The following PPM1E variants were observed in gnomAD, a reference collection of about 807,000 sequenced individuals.
PPM1E encodes protein phosphatase 1E.
PPM1E carries 20 observed loss-of-function variants against 65.9 expected under a neutral mutation model. The observed-to-expected ratio is 0.30, with a 90% CI of 0.21 to 0.44. The LOEUF (loss-of-function observed/expected upper bound fraction) is 0.44. Among genes scored for constraint, PPM1E ranks in the 20% least tolerant of loss-of-function variants. The probability of loss-of-function intolerance (pLI) is 1.00; values close to 1 mark genes in which losing one functional copy is unlikely to be tolerated. For synonymous variants in PPM1E, 352 were observed against 374.9 expected (o/e 0.94, Z 0.70); for missense variants, 713 against 953.1 (o/e 0.75, Z 3.32).
chr17:58,912,852 CA>C (rs2051643280), intron 1 of PPM1E, among the ~76,000 whole-genome samples: 1 of 152,112 alleles, frequency 6.6e-6, no homozygotes, highest in Admixed American at 6.5e-5. Context: ...GTGATTTAAT[CA>C]ATCATGCCTA....
Position 58,983,932 on chromosome 17 carries a change from G to T in PPM1E, c.*2901G>T, listed in dbSNP as rs1410302341. 6.6e-6 allele frequency: 1 copy of T among 152,548 alleles called. No homozygotes were observed. The highest frequency in any genetic ancestry group is 2.4e-5 in the African/African-American group (1 of 41,434). 9.4% of individuals were successfully genotyped at this position (152,548 alleles called of 1,614,324 possible). On this transcript the variant is annotated 3_prime_UTR_variant, in exon 7 of 7. Transcript: ENST00000308249. ...TGTACATTCACTGTGAGTTTCAAAG[G>T]GAGTCAGTCCCTAATTTACAGGTTT...
At chr17:58,930,152 T>A (rs1221014616) in intron 1 of PPM1E, among the ~76,000 whole-genome samples, 1 of 151,800 alleles carries the variant, frequency 6.6e-6, no homozygotes, top group Non-Finnish European at 1.5e-5. Flanking sequence ...TCCTAGCACT[T>A]TGGGAGGCTG....
chr17:58,802,732 A>G (rs1465798313), intron 1 of PPM1E, among the ~76,000 whole-genome samples: 1 of 152,094 alleles, frequency 6.6e-6, no homozygotes, highest in Non-Finnish European at 1.5e-5. Context: ...AGTTTTTCAT[A>G]TTCAGATATT....
At chr17:58,963,129 A>G (rs1477416807) in intron 2 of PPM1E, among the ~76,000 whole-genome samples, 2 of 152,028 alleles carry the variant, frequency 1.3e-5, no homozygotes, top group Admixed American at 1.3e-4. Flanking sequence ...TCATGCCTGT[A>G]ATCCCAGCAC....
Position 58,972,282 on chromosome 17 carries a change from A to G in PPM1E, c.1116+7A>G, listed in dbSNP as rs913127822. The G allele has an allele frequency of 6.2e-7, 1 of 1,613,214 alleles. No individual in the cohort carries two copies. The highest frequency in any genetic ancestry group is 8.5e-7 in the Non-Finnish European group (1 of 1,179,462). On this transcript the variant is annotated splice_region_variant and intron_variant, in intron 5 of 6. Transcript: ENST00000308249. Reference sequence around the variant, plus strand: ...ACACAAACCAGACAGAGAGGTAAGTATGGTCTGTTTTAATAGAGCCCATGC... The same window carrying G: ...ACACAAACCAGACAGAGAGGTAAGTGTGGTCTGTTTTAATAGAGCCCATGC...
intron 1 of PPM1E, among the ~76,000 whole-genome samples, chr17:58,777,310 G>A (rs1188477203): frequency 2.6e-5 from 4 of 152,010 alleles, no homozygotes; most frequent in Non-Finnish European, 4.4e-5. Context: ...ATGCAAATTT[G>A]TAATCTTAAA....
intron 1 of PPM1E, among the ~76,000 whole-genome samples, chr17:58,931,754 C>T (rs890370184): frequency 6.6e-6 from 1 of 152,070 alleles, no homozygotes; most frequent in African/African-American, 2.4e-5. Flanking sequence ...TCTAGCTTAC[C>T]TGTTATTTAG....
chr17:58,929,081 A>G (rs2051861126), intron 1 of PPM1E, among the ~76,000 whole-genome samples: 1 of 152,210 alleles, frequency 6.6e-6, no homozygotes, highest in Non-Finnish European at 1.5e-5. Context: ...CAATAGAAGA[A>G]TAAATAAACT....
At chr17:58,862,828 C>T (rs1437791736) in intron 1 of PPM1E, among the ~76,000 whole-genome samples, 3 of 152,088 alleles carry the variant, frequency 2.0e-5, no homozygotes, top group Non-Finnish European at 1.5e-5. Context: ...AAGTATGGGT[C>T]GATCATTTGG....
chr17:58,870,901 A>T, intron 1 of PPM1E, among the ~76,000 whole-genome samples: 1 of 152,142 alleles, frequency 6.6e-6, no homozygotes. Context: ...GATATTTTGG[A>T]TTAAGTGTGC....
chr17:58,892,568 C>A (rs144907033), intron 1 of PPM1E, among the ~76,000 whole-genome samples: 196 of 152,004 alleles, frequency 1.3e-3, no homozygotes, highest in Middle Eastern at 3.4e-3. Context: ...GCAAGAGAAA[C>A]CCTGTCTCAA....
intron 1 of PPM1E, among the ~76,000 whole-genome samples, chr17:58,803,768 G>C (rs538982111): frequency 1.7e-3 from 257 of 152,256 alleles, no homozygotes; most frequent in African/African-American, 5.9e-3. Flanking sequence ...TGGATTCCTA[G>C]ATCAGTGTGT....
chr17:58,879,501 CTTTTTT>C (rs71367639), intron 1 of PPM1E, among the ~76,000 whole-genome samples: 2 of 88,788 alleles, frequency 2.3e-5, no homozygotes, highest in Non-Finnish European at 4.3e-5. Flanking sequence ...CTGAGATTAA[CTTTTTT>C]TTTTTTTTTT....
rs527625143 is a variant in PPM1E at position 58,903,635 on chromosome 17, C to T, written c.465-52014C>T. On this transcript the variant is annotated intron_variant, in intron 1 of 6. Coordinates refer to ENST00000308249, the MANE Select transcript of PPM1E (RefSeq NM_014906.5). ...TGTCCTGCCACACTGACATGCACAC[C>T]CACAGACATAAACGTACCACTTTTC... is the stretch of plus-strand genomic sequence containing the variant. 1.2e-3 allele frequency among the ~76,000 whole-genome samples: 181 copies of T among 152,198 alleles called. 1 individual carries two copies. Among genetic ancestry groups the T allele is most frequent in the African/African-American group, 3.8e-3 (159 of 41,532 alleles).
At chr17:58,796,371 A>C (rs1260331838) in intron 1 of PPM1E, among the ~76,000 whole-genome samples, 1 of 151,760 alleles carries the variant, frequency 6.6e-6, no homozygotes, top group African/African-American at 2.4e-5. Flanking sequence ...CACTTTATTT[A>C]TTTATTTAGA....
chr17:58,894,339 T>TA (rs1311753392), intron 1 of PPM1E, among the ~76,000 whole-genome samples: 1 of 152,184 alleles, frequency 6.6e-6, no homozygotes, highest in African/African-American at 2.4e-5. Flanking sequence ...GCAAATTTAA[T>TA]AAAATTAGTG....
chr17:58,773,238 T>C (rs2049958229), intron 1 of PPM1E, among the ~76,000 whole-genome samples: 1 of 152,290 alleles, frequency 6.6e-6, no homozygotes, highest in Non-Finnish European at 1.5e-5. Context: ...AGAAGCATAC[T>C]GAGTTGCTGA....
intron 1 of PPM1E, among the ~76,000 whole-genome samples, chr17:58,952,877 T>C (rs1001138958): frequency 6.6e-6 from 1 of 152,106 alleles, no homozygotes; most frequent in African/African-American, 2.4e-5. Flanking sequence ...GGTTTCACCA[T>C]GTAGGCCAGG....
At chr17:58,888,234 A>G (rs892551303) in intron 1 of PPM1E, among the ~76,000 whole-genome samples, 1 of 152,226 alleles carries the variant, frequency 6.6e-6, no homozygotes, top group Non-Finnish European at 1.5e-5. Context: ...GGCTGTAAGT[A>G]AATGGTATCC....
Sources: allele counts gnomAD v4.1 joint callset (sites outside exome capture counted in the v4.1 genomes callset), GRCh38; gene constraint gnomAD v4.1.1; transcripts MANE v1.5; gene names NCBI Gene and HGNC (gene_info 2026-07-23, HGNC 2026-07-21).